MYO9B: variants seen among roughly 807,000 people sequenced by gnomAD.
MYO9B encodes the protein unconventional myosin-IXb.
Under a neutral mutation model 229.5 loss-of-function variants are expected in MYO9B, and 71 were observed. That is an observed-to-expected ratio of 0.31 (90% CI 0.26 to 0.38). MYO9B has a LOEUF of 0.38. Among genes scored for constraint, MYO9B ranks in the 10% least tolerant of loss-of-function variants. The pLI is 1.00. For synonymous variants in MYO9B, 1,185 were observed against 1,235.8 expected (o/e 0.96, Z 0.86); for missense variants, 2,255 against 2,920.5 (o/e 0.77, Z 5.25).
Position 17,209,594 on chromosome 19 carries a change from A to G in MYO9B, c.5633A>G (p.Glu1878Gly). 1 of 1,593,186 alleles carries G rather than the reference A, an allele frequency of 6.3e-7. No individual in the cohort carries two copies. The highest frequency in any genetic ancestry group is 1.3e-5 in the African/African-American group (1 of 74,710). The change falls in exon 36 of 40, where the codon GAG becomes GGG. Residue 1878 changes from glutamate (E) to glycine (G), a missense_variant. Transcript: ENST00000682292. ...GTGGGCCTTCTCTGTAGGTGCGTGG[A>G]GATGCTGATCAAGGAGCAGATGAGG... The part of the protein sequence containing the change: ...KDVLKITTCV[E>G]MLIKEQMRKY...
Position 17,159,482 on chromosome 19 carries a change from G to A in MYO9B, c.1417G>A (p.Glu473Lys), listed in dbSNP as rs1397310725. 6.2e-7 allele frequency: 1 copy of A among 1,606,890 alleles called. No individual in the cohort carries two copies. Among genetic ancestry groups the A allele is most frequent in the East Asian group, 2.2e-5 (1 of 44,628 alleles). ...GCTTATCCTTCCCTACAGCCTCAGC[G>A]AGGTGAGCTCTGCCCAGGCACTCAC... is the stretch of plus-strand genomic sequence containing the variant. Reference protein sequence around the residue: ...DKLILPYSLSEAITARDSMAK... With the variant: ...DKLILPYSLSKAITARDSMAK... The change falls in exon 8 of 40, where the codon GAG (glutamate) becomes AAG (lysine). Residue 473 changes from glutamate to lysine, a missense_variant and splice_region_variant. By Grantham distance (56) the Glu-to-Lys change is moderately conservative. Transcript: ENST00000682292.
intron 30 of MYO9B, 43 bp from the exon 31 acceptor site, chr19:17,205,220 G>T: frequency 6.4e-7 from 1 of 1,568,392 alleles, no homozygotes. Flanking sequence ...GGAATCTGGG[G>T]TCCCCAGCAC....
rs58681212 is a variant in MYO9B at position 17,187,583 on chromosome 19, A to T, written c.2578-352A>T. Reference sequence around the variant, plus strand: ...TTCTTTTTTCTTTCTTTTTTTTTTAAAAAATAAATTTAAATGACTAGAGAT... The same window carrying T: ...TTCTTTTTTCTTTCTTTTTTTTTTATAAAATAAATTTAAATGACTAGAGAT... On this transcript the variant is annotated intron_variant, in intron 18 of 39. Transcript: ENST00000682292. 9.0e-3 allele frequency among the ~76,000 whole-genome samples: 337 copies of T among 37,274 alleles called. 3 individuals are homozygous for T. Among genetic ancestry groups the T allele is most frequent in the African/African-American group, 0.085 (305 of 3,604 alleles). 24.5% of individuals were successfully genotyped at this position (37,274 alleles called of 152,430 possible).
In MYO9B at chr19:17,108,303, A is replaced by G. The variant is rs578091081; in HGVS notation, c.840+5746A>G. On this transcript the variant is annotated intron_variant, in intron 2 of 39. Coordinates refer to ENST00000682292, the MANE Select transcript of MYO9B (RefSeq NM_004145.4). Reference sequence around the variant, plus strand: ...GCTTGAGCCAAATCCACGTCATGGCAATAAACGTGCTTCCTGGGGCGACTG... The same window carrying G: ...GCTTGAGCCAAATCCACGTCATGGCGATAAACGTGCTTCCTGGGGCGACTG... Among the ~76,000 whole-genome samples, 3 of 152,352 alleles carry G rather than the reference A, an allele frequency of 2.0e-5. No individual in the cohort carries two copies. The South Asian group carries it at 6.2e-4, about 32-fold the overall frequency.
intron 1 of MYO9B, among the ~76,000 whole-genome samples, chr19:17,096,914 C>G (rs925779104): frequency 1.1e-5 from 1 of 88,740 alleles, no homozygotes; most frequent in South Asian, 4.8e-4. Flanking sequence ...ACCATGGTCT[C>G]GATCTGACCT....
intron 2 of MYO9B, among the ~76,000 whole-genome samples, chr19:17,104,727 C>T (rs992620308): frequency 3.4e-5 from 4 of 116,300 alleles, no homozygotes; most frequent in Non-Finnish European, 3.5e-5. Context: ...TACCCAGCTC[C>T]GCTTAAAAAA....
intron 13 of MYO9B, among the ~76,000 whole-genome samples, chr19:17,173,362 T>C (rs2072747460): frequency 6.9e-6 from 1 of 145,892 alleles, no homozygotes; most frequent in Non-Finnish European, 1.5e-5. Context: ...TCTAGTGTAA[T>C]GACGCAATCT....
intron 19 of MYO9B, among the ~76,000 whole-genome samples, chr19:17,188,622 A>G (rs1008286186): frequency 2.6e-5 from 4 of 152,114 alleles, no homozygotes; most frequent in Non-Finnish European, 4.4e-5. Flanking sequence ...TTCTAATCCT[A>G]TGCGGATAAG....
intron 25 of MYO9B, 43 bp from the exon 26 acceptor site, chr19:17,200,596 C>A (rs1269742661): frequency 4.5e-6 from 7 of 1,568,446 alleles, no homozygotes; most frequent in Non-Finnish European, 6.1e-6. Flanking sequence ...CTGCATCCTC[C>A]CCCTGAACCC....
chr19:17,167,265 T>C (rs78282455), intron 10 of MYO9B, among the ~76,000 whole-genome samples: 4,109 of 149,892 alleles, frequency 0.027, 177 homozygotes, highest in African/African-American at 0.098. Flanking sequence ...ACTCCTGGAC[T>C]CAAGCCATCC....
intron 2 of MYO9B, among the ~76,000 whole-genome samples, chr19:17,134,489 T>G (rs1485020136): frequency 6.9e-6 from 1 of 145,952 alleles, no homozygotes; most frequent in Non-Finnish European, 1.5e-5. Flanking sequence ...CCTCTCGGTT[T>G]CAAGCGATTT....
intron 2 of MYO9B, among the ~76,000 whole-genome samples, chr19:17,114,619 A>G (rs2057882773): frequency 6.6e-6 from 1 of 152,182 alleles, no homozygotes; most frequent in African/African-American, 2.4e-5. Context: ...GAGAAGTAAC[A>G]TGCTCCCTGC....
intron 2 of MYO9B, among the ~76,000 whole-genome samples, chr19:17,141,617 C>T (rs1400505437): frequency 1.3e-5 from 2 of 151,840 alleles, no homozygotes; most frequent in African/African-American, 4.8e-5. Context: ...ACCACCTCTT[C>T]TCAGCTTCTC....
chr19:17,205,373 C>A, intron 31 of MYO9B, 37 bp downstream of exon 31: 1 of 1,587,864 alleles, frequency 6.3e-7, no homozygotes, highest in Non-Finnish European at 8.6e-7. Flanking sequence ...TACAATGACA[C>A]TCCACTCACG....
intron 19 of MYO9B, 89 bp from the exon 20 acceptor site, chr19:17,191,008 C>A: frequency 7.3e-7 from 1 of 1,361,396 alleles, no homozygotes; most frequent in Non-Finnish European, 1.0e-6. Flanking sequence ...AACCCAGCTT[C>A]ACCTTAACCA....
chr19:17,084,561 A>G (rs1412522951), intron 1 of MYO9B, among the ~76,000 whole-genome samples: 5 of 151,672 alleles, frequency 3.3e-5, no homozygotes, highest in African/African-American at 1.2e-4. Flanking sequence ...CCCTGTCCCA[A>G]CAACCCTTAA....
At chr19:17,097,888 G>A (rs191094167) in intron 1 of MYO9B, among the ~76,000 whole-genome samples, 108 of 152,238 alleles carry the variant, frequency 7.1e-4, no homozygotes, top group Non-Finnish European at 1.3e-3. Flanking sequence ...ATTTCACTCT[G>A]CTCTTGTAGC....
rs369895104 is a variant in MYO9B, at chr19:17,202,344, C to T, written c.4836+41C>T. 6.6e-6 allele frequency: 10 copies of T among 1,521,460 alleles called. No homozygotes were observed. In the East Asian group the frequency reaches 7.5e-5, roughly 11 times the overall value. 94.2% of individuals were successfully genotyped at this position (1,521,460 alleles called of 1,614,324 possible). A position where few individuals can be genotyped will look rare whatever the true frequency, so the allele number is the denominator to read the frequency against. On this transcript the variant is annotated intron_variant, in intron 28 of 39. Coordinates refer to ENST00000682292, the MANE Select transcript of MYO9B (RefSeq NM_004145.4). ...TGCCACGCCCACCTGTGACATGCCA[C>T]GCCTACCCATGCCTCGCCATCCTTA...
In MYO9B at chr19:17,208,633, A is replaced by G. The variant is rs571051785; in HGVS notation, c.5625-953A>G. ...TTTTTAGTAGAGACGAGGTTTCACT[A>G]TGTTAGCCAGGATGTTCTCGATCTC... On this transcript the variant is annotated intron_variant, in intron 35 of 39. Transcript: ENST00000682292. Among the ~76,000 whole-genome samples, 15 of 152,058 alleles carry G rather than the reference A, an allele frequency of 9.9e-5. No homozygotes were observed. In the East Asian group the frequency reaches 1.4e-3, roughly 14 times the overall value.
Sources: allele counts gnomAD v4.1 joint callset (sites outside exome capture counted in the v4.1 genomes callset), GRCh38; gene constraint gnomAD v4.1.1; transcripts MANE v1.5; gene names NCBI Gene and HGNC (gene_info 2026-07-23, HGNC 2026-07-21).